MTSS1: variants seen among roughly 807,000 people sequenced by gnomAD.
The protein encoded by MTSS1 is MTSS I-BAR domain containing 1.
A neutral mutation model predicts 79.0 loss-of-function variants in MTSS1; 18 were observed. That is an observed-to-expected ratio of 0.23 (90% CI 0.16 to 0.34). MTSS1 has a LOEUF of 0.34. MTSS1 is among the 10% of genes least tolerant of loss of function. The probability of loss-of-function intolerance (pLI) is 1.00; values close to 1 mark genes in which losing one functional copy is unlikely to be tolerated. For synonymous variants in MTSS1, 341 were observed against 368.6 expected (o/e 0.93, Z 0.86); for missense variants, 815 against 986.2 (o/e 0.83, Z 2.33).
chr8:124,609,978 G>A (rs1042238583), intron 3 of MTSS1, among the ~76,000 whole-genome samples: 6 of 152,104 alleles, frequency 3.9e-5, no homozygotes, highest in African/African-American at 1.2e-4. Context: ...CAAACAACAG[G>A]GACAGGAGAT....
intron 1 of MTSS1, among the ~76,000 whole-genome samples, chr8:124,726,311 A>G (rs929822174): frequency 6.6e-6 from 1 of 152,230 alleles, no homozygotes; most frequent in African/African-American, 2.4e-5. Flanking sequence ...TGGATTAAAG[A>G]ACAAAGAGAA....
chr8:124,574,972 G>A (rs955747579), intron 6 of MTSS1, among the ~76,000 whole-genome samples: 2 of 149,652 alleles, frequency 1.3e-5, no homozygotes, highest in African/African-American at 4.9e-5. Flanking sequence ...TAATCGGTAG[G>A]TTTTTTTTTT....
rs537802578 is a variant in MTSS1 at position 124,580,404 on chromosome 8, A to T, written c.460+4683T>A. The T allele has an allele frequency of 3.8e-4, 304 of 791,592 alleles. 2 individuals are homozygous for T. The African/African-American group carries it at 4.9e-3, about 13-fold the overall frequency. The allele number at this position is 791,592 out of a possible 1,614,324, so 49.0% of individuals were successfully genotyped here. On this transcript the variant is annotated intron_variant, in intron 6 of 13. Coordinates refer to ENST00000518547, the MANE Select transcript of MTSS1 (RefSeq NM_014751.6). ...CACAACGCACACACAATTTTCTTAA[A>T]GTTGTGGAAAATTAGGTAGGCACAG...
intron 3 of MTSS1, among the ~76,000 whole-genome samples, chr8:124,623,627 T>TTTTG (rs34585373): frequency 0.051 from 7,775 of 152,120 alleles, 213 homozygotes; most frequent in African/African-American, 0.066. Flanking sequence ...TTCTGTGTTT[T>TTTTG]TTTGTTTGTT....
At chr8:124,628,736 T>C (rs1815249297) in intron 3 of MTSS1, among the ~76,000 whole-genome samples, 1 of 152,188 alleles carries the variant, frequency 6.6e-6, no homozygotes, top group Non-Finnish European at 1.5e-5. Flanking sequence ...CTCCAAGAAG[T>C]ACCTTGTGTA....
Position 124,600,615 on chromosome 8 carries a change from G to T in MTSS1, c.209-9380C>A, listed in dbSNP as rs114676112. ...TGAGTCCTACAGGAAGGCAGAGGCCGGAGTAAGTAAATGTGGCTGGGCTGG... is the reference window on the plus strand; with the variant it reads ...TGAGTCCTACAGGAAGGCAGAGGCCTGAGTAAGTAAATGTGGCTGGGCTGG... On this transcript the variant is annotated intron_variant, in intron 3 of 13. Transcript: ENST00000518547. Among the ~76,000 whole-genome samples the T allele has an allele frequency of 2.0e-5, 3 of 152,190 alleles. No individual in the cohort carries two copies. The East Asian group carries it at 5.8e-4, about 29-fold the overall frequency.
At position 124,683,978 on chromosome 8, in the gene MTSS1, T is replaced by C. The variant is rs538480216; in HGVS notation, c.208+15548A>G. Among the ~76,000 whole-genome samples, 7 of 152,272 alleles carry C rather than the reference T, an allele frequency of 4.6e-5. No individual in the cohort carries two copies. Among genetic ancestry groups the C allele is most frequent in the Admixed American group, 1.3e-4 (2 of 15,310 alleles). ...CTCAAATACTGATCATCTGAACAAA[T>C]AGAATCTTGTATCTGACAACAGCAG... On this transcript the variant is annotated intron_variant, in intron 3 of 13. Coordinates refer to ENST00000518547, the MANE Select transcript of MTSS1 (RefSeq NM_014751.6). The surrounding 1 kb of genome is among the most constrained non-coding windows in gnomAD (Gnocchi z 4.5).
At chr8:124,637,527 T>C (rs1313011369) in intron 3 of MTSS1, among the ~76,000 whole-genome samples, 3 of 152,046 alleles carry the variant, frequency 2.0e-5, no homozygotes, top group Non-Finnish European at 4.4e-5. Flanking sequence ...GTATCTGGTG[T>C]TGGGAAGATG....
chr8:124,561,658 AC>A, intron 10 of MTSS1, among the ~76,000 whole-genome samples: 1 of 152,078 alleles, frequency 6.6e-6, no homozygotes. Flanking sequence ...TGTCAATTAA[AC>A]ACACACACAC....
chr8:124,562,997 G>T lies in MTSS1; in HGVS notation c.825-5C>A. 1 of 1,601,416 alleles carries T rather than the reference G, an allele frequency of 6.2e-7. No individual in the cohort carries two copies. The highest frequency in any genetic ancestry group is 2.3e-5 in the East Asian group (1 of 44,434). On this transcript the variant is annotated splice_polypyrimidine_tract_variant and splice_region_variant and intron_variant, in intron 9 of 13. Transcript: ENST00000518547. Reference sequence around the variant, plus strand: ...CTGTTGACACTGTTCAGGCTGCTGTGGAGGACAAGCAGGGGTGAGGGGTGG... The same window carrying T: ...CTGTTGACACTGTTCAGGCTGCTGTTGAGGACAAGCAGGGGTGAGGGGTGG...
chr8:124,663,036 C>T (rs1394975933), intron 3 of MTSS1, among the ~76,000 whole-genome samples: 1 of 152,102 alleles, frequency 6.6e-6, no homozygotes, highest in Non-Finnish European at 1.5e-5. Flanking sequence ...GTATCTGGGC[C>T]CCACTCCCCA....
chr8:124,615,966 C>T (rs1323101982), intron 3 of MTSS1, among the ~76,000 whole-genome samples: 1 of 152,198 alleles, frequency 6.6e-6, no homozygotes, highest in African/African-American at 2.4e-5. Flanking sequence ...GCCCCATGGC[C>T]TTCGACCTTC....
intron 3 of MTSS1, among the ~76,000 whole-genome samples, chr8:124,601,446 C>T (rs183040733): frequency 9.2e-5 from 14 of 152,308 alleles, no homozygotes; most frequent in Admixed American, 8.5e-4. Flanking sequence ...AAGGAAAGCT[C>T]CTACAAAATC....
intron 3 of MTSS1, among the ~76,000 whole-genome samples, chr8:124,653,570 A>G (rs1040460587): frequency 6.6e-6 from 1 of 152,144 alleles, no homozygotes; most frequent in African/African-American, 2.4e-5. Context: ...CTAAAAATAC[A>G]AAAATTAGCT....
intron 3 of MTSS1, among the ~76,000 whole-genome samples, chr8:124,692,694 G>T (rs1206799771): frequency 6.6e-6 from 1 of 152,074 alleles, no homozygotes; most frequent in Non-Finnish European, 1.5e-5. Context: ...CTCAGGGAGG[G>T]GTCACCAAGA....
At chr8:124,715,945 T>TG (rs1344298705) in intron 1 of MTSS1, among the ~76,000 whole-genome samples, 10 of 152,144 alleles carry the variant, frequency 6.6e-5, no homozygotes, top group Admixed American at 5.9e-4. Context: ...TGTAGGATGA[T>TG]GGGGAAAACA....
Position 124,727,605 on chromosome 8 carries a change from C to A in MTSS1, c.72+279G>T, listed in dbSNP as rs1287375786. The A allele has an allele frequency of 1.7e-6, 1 of 603,984 alleles. No individual in the cohort carries two copies. Among genetic ancestry groups the A allele is most frequent in the Non-Finnish European group, 3.1e-6 (1 of 321,818 alleles). 37.4% of individuals were successfully genotyped at this position (603,984 alleles called of 1,614,324 possible). A position where few individuals can be genotyped will look rare whatever the true frequency, so the allele number is the denominator to read the frequency against. ...AAAACTTGCAGCCAGTGCCTTGAGC[C>A]CCCGAGGGAAAGAAATGGTGCCGCC... is the stretch of plus-strand genomic sequence containing the variant. On this transcript the variant is annotated intron_variant, in intron 1 of 13. Coordinates refer to ENST00000518547, the MANE Select transcript of MTSS1 (RefSeq NM_014751.6). The surrounding 1 kb of genome is among the most constrained non-coding windows in gnomAD (Gnocchi z 4.7).
At chr8:124,666,225 C>T (rs1051918973) in intron 3 of MTSS1, among the ~76,000 whole-genome samples, 5 of 152,210 alleles carry the variant, frequency 3.3e-5, no homozygotes, top group Non-Finnish European at 4.4e-5. Context: ...GGCTAGCTCA[C>T]AAGAGCTTAA....
Position 124,686,208 on chromosome 8 carries a change from C to A in MTSS1, c.208+13318G>T, listed in dbSNP as rs568166787. Among the ~76,000 whole-genome samples the A allele has an allele frequency of 2.0e-5, 3 of 152,194 alleles. No individual in the cohort carries two copies. In the South Asian group the frequency reaches 6.2e-4, roughly 32 times the overall value. On this transcript the variant is annotated intron_variant, in intron 3 of 13. Coordinates refer to ENST00000518547, the MANE Select transcript of MTSS1 (RefSeq NM_014751.6). ...TGAGCAGGCAGAGGGGGCCTGCAGC[C>A]GCCTCCCCATCCAGCTCCGCCTCCC...
Sources: allele counts gnomAD v4.1 joint callset (sites outside exome capture counted in the v4.1 genomes callset), GRCh38; gene constraint gnomAD v4.1.1; non-coding constraint Gnocchi (gnomAD v3.1); transcripts MANE v1.5; gene names NCBI Gene and HGNC (gene_info 2026-07-23, HGNC 2026-07-21).